The following EDIL3 variants were observed in gnomAD, a reference collection of about 807,000 sequenced individuals.
EDIL3 encodes EGF-like repeat and discoidin I-like domain-containing protein 3.
Under a neutral mutation model 67.4 loss-of-function variants are expected in EDIL3, and 37 were observed. The observed-to-expected ratio is 0.55, with a 90% CI of 0.42 to 0.72. EDIL3 has a LOEUF of 0.72. Among genes scored for constraint, EDIL3 ranks in the 30% least tolerant of loss-of-function variants. The pLI is 0.00. For missense variants in EDIL3, 527 were observed against 586.3 expected (o/e 0.90, Z 1.04); for synonymous variants, 195 against 196.3 (o/e 0.99, Z 0.05).
rs1041370531 is a variant in EDIL3, at chr5:84,000,380, C to T, written c.1138-37020G>A. Among the ~76,000 whole-genome samples the T allele has an allele frequency of 3.3e-5, 5 of 151,874 alleles. 1 individual carries two copies. Among genetic ancestry groups the T allele is most frequent in the South Asian group, 4.1e-4 (2 of 4,822 alleles). ...TTAGACAGCATAATAAAATATGAAT[C>T]GAAACAACAAAAAGTGAAAAAGCGG... On this transcript the variant is annotated intron_variant, in intron 9 of 10. Transcript: ENST00000296591.
intron 3 of EDIL3, among the ~76,000 whole-genome samples, chr5:84,201,580 C>G (rs1413834366): frequency 6.6e-6 from 1 of 151,956 alleles, no homozygotes; most frequent in Non-Finnish European, 1.5e-5. Flanking sequence ...TTGTCTTACC[C>G]AGTATTAGTA....
chr5:84,303,092 A>T (rs1746191961), intron 1 of EDIL3, among the ~76,000 whole-genome samples: 1 of 152,094 alleles, frequency 6.6e-6, no homozygotes, highest in Non-Finnish European at 1.5e-5. Context: ...AATCTCAGAG[A>T]GTGGATCTGT....
intron 9 of EDIL3, among the ~76,000 whole-genome samples, chr5:84,057,668 G>A (rs919547853): frequency 9.2e-5 from 14 of 152,072 alleles, no homozygotes; most frequent in African/African-American, 2.9e-4. Context: ...AATTTTAAAT[G>A]TATCTTTTAA....
chr5:84,261,530 G>A lies in EDIL3; in HGVS notation c.68-7318C>T, dbSNP rs149028290. 3.7e-3 allele frequency among the ~76,000 whole-genome samples: 568 copies of A among 152,294 alleles called. 2 individuals carry two copies. Among genetic ancestry groups the A allele is most frequent in the African/African-American group, 0.013 (530 of 41,574 alleles). On this transcript the variant is annotated intron_variant, in intron 1 of 10. Coordinates refer to ENST00000296591, the MANE Select transcript of EDIL3 (RefSeq NM_005711.5). ...TGCAATCTGATTCTTACCTTCATAT[G>A]TACTTTAAAAGTAAATTCTAGTTAT...
chr5:83,977,042 G>C (rs1252417431), intron 9 of EDIL3, among the ~76,000 whole-genome samples: 3 of 151,630 alleles, frequency 2.0e-5, no homozygotes, highest in Non-Finnish European at 4.4e-5. Flanking sequence ...TCAGTGTGAG[G>C]AACGTTCTTA....
chr5:83,963,322 A>G lies in EDIL3; in HGVS notation c.1176T>C (p.Ile392=). 6.2e-7 allele frequency: 1 copy of G among 1,609,302 alleles called. No individual in the cohort carries two copies. The highest frequency in any genetic ancestry group is 8.5e-7 in the Non-Finnish European group (1 of 1,177,384). ...GACCAAAATCTTTAGCTCCTTGTGT[A>G]ATGATGCCAGTCACTTTGGTTGGAA... The part of the protein sequence containing the change: ...LLVPTKVTGI[I]TQGAKDFGHV... Residue 392 remains isoleucine, a synonymous_variant, in exon 10 of 11, where the codon ATT becomes ATC. Transcript: ENST00000296591.
intron 9 of EDIL3, among the ~76,000 whole-genome samples, chr5:83,981,471 G>T (rs2112149117): frequency 6.6e-6 from 1 of 152,082 alleles, no homozygotes; most frequent in Middle Eastern, 3.4e-3. Flanking sequence ...TCCAGGGATG[G>T]AATGAAATAA....
At chr5:84,203,827 C>T (rs371399345) in intron 3 of EDIL3, among the ~76,000 whole-genome samples, 1 of 152,254 alleles carries the variant, frequency 6.6e-6, no homozygotes, top group East Asian at 1.9e-4. Flanking sequence ...AAAACATTTG[C>T]ACTTTTTCTA....
intron 1 of EDIL3, among the ~76,000 whole-genome samples, chr5:84,258,701 A>G (rs1205389405): frequency 6.6e-6 from 1 of 152,210 alleles, no homozygotes; most frequent in Non-Finnish European, 1.5e-5. Context: ...GGTCAAAACC[A>G]TCATATCTCA....
chr5:84,065,718 C>T (rs1746627619), intron 7 of EDIL3, among the ~76,000 whole-genome samples: 1 of 152,078 alleles, frequency 6.6e-6, no homozygotes, highest in Non-Finnish European at 1.5e-5. Context: ...ACAAATCTTT[C>T]TTCCAATATG....
At chr5:84,176,262 A>G (rs1364365949) in intron 4 of EDIL3, among the ~76,000 whole-genome samples, 1 of 144,520 alleles carries the variant, frequency 6.9e-6, no homozygotes, top group East Asian at 2.0e-4. Flanking sequence ...TATATATATT[A>G]TATATATTGT....
intron 3 of EDIL3, among the ~76,000 whole-genome samples, chr5:84,190,551 A>ATGTGTG (rs1228798257): frequency 1.3e-4 from 17 of 126,978 alleles, no homozygotes; most frequent in Admixed American, 1.1e-3. Flanking sequence ...ATATATATAT[A>ATGTGTG]TGTGTGTGTG....
At chr5:84,311,543 A>G (rs932772375) in intron 1 of EDIL3, among the ~76,000 whole-genome samples, 16 of 151,548 alleles carry the variant, frequency 1.1e-4, no homozygotes, top group African/African-American at 3.9e-4. Flanking sequence ...GGTTATGGGT[A>G]GTAGGGTGTC....
chr5:84,359,797 C>T (rs949819119), intron 1 of EDIL3, among the ~76,000 whole-genome samples: 2 of 152,164 alleles, frequency 1.3e-5, no homozygotes, highest in African/African-American at 4.8e-5. Flanking sequence ...AGAATAGGAA[C>T]TGCAGCACAG....
chr5:84,384,225 A>C (rs1748170373), intron 1 of EDIL3, 83 bp downstream of exon 1: 18 of 1,494,022 alleles, frequency 1.2e-5, no homozygotes, highest in Admixed American at 2.1e-5. Context: ...CGCCGGAGGG[A>C]CCGCCTCCGG....
intron 9 of EDIL3, among the ~76,000 whole-genome samples, chr5:84,031,606 C>T (rs1745924859): frequency 6.6e-6 from 1 of 152,204 alleles, no homozygotes. Flanking sequence ...TCTTTCTCTG[C>T]TGTCTACCAT....
At chr5:84,179,978 C>A (rs1014492188) in intron 4 of EDIL3, among the ~76,000 whole-genome samples, 12 of 149,448 alleles carry the variant, frequency 8.0e-5, no homozygotes, top group Non-Finnish European at 7.4e-5. Context: ...AGAAAACTGG[C>A]TTAAGGGCAG....
At chr5:84,124,640 T>C (rs775301197) in intron 5 of EDIL3, among the ~76,000 whole-genome samples, 5 of 151,968 alleles carry the variant, frequency 3.3e-5, no homozygotes, top group Non-Finnish European at 7.4e-5. Flanking sequence ...CAGAATTTTA[T>C]GTGTTACTTT....
chr5:84,053,122 T>G (rs1323874399), intron 9 of EDIL3, among the ~76,000 whole-genome samples: 1 of 152,184 alleles, frequency 6.6e-6, no homozygotes, highest in Non-Finnish European at 1.5e-5. Flanking sequence ...CAGACCACAG[T>G]GCAATCAAAC....
Sources: gnomAD v4.1 joint callset for allele counts (sites outside exome capture counted in the v4.1 genomes callset) on GRCh38, gnomAD v4.1.1 for gene constraint, MANE v1.5 for transcripts, NCBI Gene and HGNC (gene_info 2026-07-23, HGNC 2026-07-21) for gene names.